The following CA12 variants were observed in gnomAD, a reference collection of about 807,000 sequenced individuals.
CA12 encodes carbonate dehydratase XII.
Under a neutral mutation model 46.8 loss-of-function variants are expected in CA12, and 36 were observed. The observed-to-expected ratio is 0.77, with a 90% CI of 0.59 to 1.02. The LOEUF (loss-of-function observed/expected upper bound fraction) is 1.02. Ranked by LOEUF, CA12 falls within the 50% of genes least tolerant of loss-of-function variation. The probability of loss-of-function intolerance (pLI) is 0.00; values close to 1 mark genes in which losing one functional copy is unlikely to be tolerated. For missense variants in CA12, 436 were observed against 451.4 expected, an observed-to-expected ratio of 0.97 and a Z score of 0.31; for synonymous variants, 202 against 187.0, an observed-to-expected ratio of 1.08 and a Z score of -0.65.
At position 63,340,735 on chromosome 15, in the gene CA12, G is replaced by A. The variant is rs370295741; in HGVS notation, c.574C>T (p.His192Tyr). The A allele has an allele frequency of 1.9e-6, 3 of 1,614,110 alleles. No homozygotes were observed. ...GACCCCTCACCTTTGTACTTTACAT[G>A]TTGAAGGTGACTGAAGATCTTGTCA... ...SYDKIFSHLQ[H>Y]VKYKGQEAFV... Residue 192 changes from histidine to tyrosine, a missense_variant, in exon 6 of 11, where the codon CAT becomes TAT. By Grantham distance (83) the His-to-Tyr change is moderately conservative (BLOSUM62 2). Transcript: ENST00000178638. The surrounding 1 kb of genome is among the most constrained non-coding windows in gnomAD (Gnocchi z 4.4).
In CA12 at chr15:63,327,621, C is replaced by T. The variant is rs557631387; in HGVS notation, c.908-388G>A. Among the ~76,000 whole-genome samples, 7 of 151,938 alleles carry T rather than the reference C, an allele frequency of 4.6e-5. No individual in the cohort carries two copies. Among genetic ancestry groups the T allele is most frequent in the Admixed American group, 1.3e-4 (2 of 15,222 alleles). On this transcript the variant is annotated intron_variant, in intron 9 of 10. Transcript: ENST00000178638. The surrounding 1 kb of genome is among the most constrained non-coding windows in gnomAD (Gnocchi z 4.5). ...GATACTGATGCACGTGGTCCAAGAA[C>T]CACACTTTGATAAGCCCTGGGCTAC... is the stretch of plus-strand genomic sequence containing the variant.
intron 2 of CA12, among the ~76,000 whole-genome samples, chr15:63,364,352 A>AAAAAAT (rs1436165653): frequency 6.8e-6 from 1 of 147,500 alleles, no homozygotes; most frequent in Non-Finnish European, 1.5e-5. Context: ...AAAAAAAAAA[A>AAAAAAT]AAACAGTGGG....
chr15:63,368,787 C>T (rs1286773490), intron 2 of CA12, among the ~76,000 whole-genome samples: 5 of 152,230 alleles, frequency 3.3e-5, no homozygotes, highest in Non-Finnish European at 7.3e-5. Flanking sequence ...GCTGCACCTG[C>T]GGTTCCAAGG....
rs906180065 is a variant in CA12, at chr15:63,373,730, C to T, written c.106+1928G>A. ...GATCCTGATGTGGGTGATCCCAAGC[C>T]GTAGTTTGAGAAACACTGGTCTAGA... On this transcript the variant is annotated intron_variant, in intron 2 of 10. Coordinates refer to ENST00000178638, the MANE Select transcript of CA12 (RefSeq NM_001218.5). This position sits in a 1 kb window ranked among gnomAD's most constrained non-coding sequence, Gnocchi z 4.9. Among the ~76,000 whole-genome samples the T allele has an allele frequency of 6.6e-6, 1 of 152,122 alleles. No homozygotes were observed. The highest frequency in any genetic ancestry group is 2.4e-5 in the African/African-American group (1 of 41,414).
chr15:63,326,320 G>A lies in CA12; in HGVS notation c.1030C>T (p.Pro344Ser). The A allele has an allele frequency of 1.2e-6, 2 of 1,614,076 alleles. No homozygotes were observed. Among genetic ancestry groups the A allele is most frequent in the Non-Finnish European group, 1.7e-6 (2 of 1,179,936 alleles). ...KGDNKGVIYK[P>S]ATKMETEAHA ...GCCTCAGTCTCCATCTTGGTGGCTG[G>A]CTTGTAAATGACTCCCTTGTTATCA... is the stretch of plus-strand genomic sequence containing the variant. Residue 344 changes from proline to serine, a missense_variant, in exon 11 of 11, where the codon CCA (proline) becomes TCA (serine). By Grantham distance (74) the Pro-to-Ser change is moderately conservative. Coordinates refer to ENST00000178638, the MANE Select transcript of CA12 (RefSeq NM_001218.5).
Position 63,329,822 on chromosome 15 carries a change from C to T in CA12, c.875-1692G>A, listed in dbSNP as rs1490582426. On this transcript the variant is annotated intron_variant, in intron 8 of 10. Coordinates refer to ENST00000178638, the MANE Select transcript of CA12 (RefSeq NM_001218.5). The surrounding 1 kb of genome is among the most constrained non-coding windows in gnomAD (Gnocchi z 4.8). ...TCTGAGGCTGCAGGGTGAGGTTTTG[C>T]TCACTGCCCCTTCTCCTGTCGTATG... 6.6e-6 allele frequency among the ~76,000 whole-genome samples: 1 copy of T among 152,200 alleles called. No individual in the cohort carries two copies. Among genetic ancestry groups the T allele is most frequent in the African/African-American group, 2.4e-5 (1 of 41,440 alleles).
chr15:63,343,342 C>T (rs1595780544), intron 4 of CA12, among the ~76,000 whole-genome samples: 1 of 134,164 alleles, frequency 7.5e-6, no homozygotes, highest in Non-Finnish European at 1.5e-5. Flanking sequence ...AGTGCAATGG[C>T]GTGATCTTGG....
chr15:63,345,964 T>C lies in CA12; in HGVS notation c.287-345A>G, dbSNP rs2039141916. Among the ~76,000 whole-genome samples the C allele has an allele frequency of 6.6e-6, 1 of 152,244 alleles. No homozygotes were observed. Among genetic ancestry groups the C allele is most frequent in the African/African-American group, 2.4e-5 (1 of 41,462 alleles). On this transcript the variant is annotated intron_variant, in intron 3 of 10. Transcript: ENST00000178638. The surrounding 1 kb of genome is among the most constrained non-coding windows in gnomAD (Gnocchi z 4.3). The stretch of plus-strand genomic sequence containing the variant: ...CTTTAGTGAAGTACCTTCCAAGCTT[T>C]AGAATTATATAGCAACAGCAACGAT...
At chr15:63,361,344 G>A (rs1302878110) in intron 2 of CA12, among the ~76,000 whole-genome samples, 2 of 152,344 alleles carry the variant, frequency 1.3e-5, no homozygotes, top group South Asian at 2.1e-4. Flanking sequence ...ATCCTAGACC[G>A]GGTTGCTGTT....
At chr15:63,335,420 A>G (rs927420398) in intron 8 of CA12, among the ~76,000 whole-genome samples, 1 of 151,886 alleles carries the variant, frequency 6.6e-6, no homozygotes, top group African/African-American at 2.4e-5. Flanking sequence ...ATCCTTCCCC[A>G]AAGTCCATGT....
At chr15:63,369,740 A>G (rs1316964662) in intron 2 of CA12, among the ~76,000 whole-genome samples, 1 of 152,190 alleles carries the variant, frequency 6.6e-6, no homozygotes, top group African/African-American at 2.4e-5. Flanking sequence ...ACCAGACAGA[A>G]AGTGGCCTAG....
At chr15:63,376,600 T>TTCTTTCTTTCTTTCTTTCTTTCTTTCTC (rs10623502) in intron 1 of CA12, among the ~76,000 whole-genome samples, 51 of 134,194 alleles carry the variant, frequency 3.8e-4, no homozygotes, top group Middle Eastern at 7.2e-3. Flanking sequence ...CTTTCTTTCT[T>TTCTTTCTTTCTTTCTTTCTTTCTTTCTC]TCTCTCTCTC....
chr15:63,380,497 C>T (rs994305587), intron 1 of CA12, among the ~76,000 whole-genome samples: 7 of 152,122 alleles, frequency 4.6e-5, no homozygotes, highest in Admixed American at 4.6e-4. Flanking sequence ...GTGCAGCTTT[C>T]GTAAAAGGAA....
chr15:63,346,949 C>T (rs2039158528), intron 2 of CA12, among the ~76,000 whole-genome samples: 1 of 152,192 alleles, frequency 6.6e-6, no homozygotes, highest in African/African-American at 2.4e-5. Flanking sequence ...AGCCAGAAGG[C>T]CACCGAACTC....
At chr15:63,380,894 G>A (rs530425517) in intron 1 of CA12, among the ~76,000 whole-genome samples, 1 of 152,304 alleles carries the variant, frequency 6.6e-6, no homozygotes, top group South Asian at 2.1e-4. Flanking sequence ...GGCCCGGCGT[G>A]AGCCCACAGT....
chr15:63,336,115 C>T (rs945908265), intron 8 of CA12, among the ~76,000 whole-genome samples: 1 of 152,206 alleles, frequency 6.6e-6, no homozygotes, highest in African/African-American at 2.4e-5. Flanking sequence ...AGCACCAGCT[C>T]TGGGCAAACC....
intron 8 of CA12, among the ~76,000 whole-genome samples, chr15:63,333,290 G>T (rs915101277): frequency 7.2e-5 from 11 of 152,242 alleles, no homozygotes; most frequent in Middle Eastern, 3.2e-3. Flanking sequence ...CCAGCCGTCT[G>T]CCCAGCCCCT....
At chr15:63,377,107 A>G (rs1328879902) in intron 1 of CA12, among the ~76,000 whole-genome samples, 2 of 152,162 alleles carry the variant, frequency 1.3e-5, no homozygotes, top group African/African-American at 4.8e-5. Context: ...CTATGTCAAA[A>G]AAGGTCTTTT....
intron 8 of CA12, among the ~76,000 whole-genome samples, chr15:63,334,791 T>C (rs2038978846): frequency 1.3e-5 from 2 of 152,204 alleles, no homozygotes; most frequent in Admixed American, 1.3e-4. Flanking sequence ...CAGTTCTCTC[T>C]CACGCTACGT....
Sources: gnomAD v4.1 joint callset for allele counts (sites outside exome capture counted in the v4.1 genomes callset) on GRCh38, gnomAD v4.1.1 for gene constraint, Gnocchi (gnomAD v3.1) non-coding constraint, MANE v1.5 for transcripts, NCBI Gene and HGNC (gene_info 2026-07-23, HGNC 2026-07-21) for gene names.